Variants in RPTOR observed in about 807,000 individuals in gnomAD.
The protein encoded by RPTOR is regulatory associated protein of MTOR complex 1.
RPTOR carries 21 observed loss-of-function variants against 169.9 expected under a neutral mutation model. The ratio of observed to expected loss-of-function variants is 0.12; its 90% CI spans 0.09 to 0.18. The LOEUF is 0.18. RPTOR is among the 10% of genes least tolerant of loss of function. RPTOR has a pLI of 1.00. For synonymous variants in RPTOR, 732 were observed against 753.2 expected, an observed-to-expected ratio of 0.97 and a Z score of 0.46; for missense variants, 1,133 against 1,855.9, an observed-to-expected ratio of 0.61 and a Z score of 7.16.
intron 4 of RPTOR, among the ~76,000 whole-genome samples, chr17:80,709,350 C>T (rs62067893): frequency 0.023 from 3,455 of 152,362 alleles, 56 homozygotes; most frequent in South Asian, 0.049. Context: ...TCCCCTGTGG[C>T]GCCTGGCACA....
In RPTOR at chr17:80,730,239, TG is replaced by T. The variant is rs1162584785; in HGVS notation, c.508-318del. Among the ~76,000 whole-genome samples the T allele has an allele frequency of 6.6e-6, 1 of 152,176 alleles. No individual in the cohort carries two copies. The highest frequency in any genetic ancestry group is 1.5e-5 in the Non-Finnish European group (1 of 68,032). On this transcript the variant is annotated intron_variant, in intron 4 of 33. Transcript: ENST00000306801. This position sits in a 1 kb window ranked among gnomAD's most constrained non-coding sequence, Gnocchi z 4.2. ...CTCCTGCCTCAGCCTCCCAAGTAGC[TG>T]GGTTTACAGGTGCCCTTCACCATGT... is the stretch of plus-strand genomic sequence containing the variant.
intron 6 of RPTOR, among the ~76,000 whole-genome samples, chr17:80,764,997 G>A (rs1195261030): frequency 5.3e-5 from 8 of 152,174 alleles, no homozygotes; most frequent in Admixed American, 4.6e-4. Context: ...CAAAGCAGGC[G>A]AGGATTTAAT....
At chr17:80,560,260 C>T (rs1030103244) in intron 1 of RPTOR, among the ~76,000 whole-genome samples, 4 of 152,074 alleles carry the variant, frequency 2.6e-5, no homozygotes, top group Non-Finnish European at 2.9e-5. Flanking sequence ...GGTGGCTGGA[C>T]GAAGATCTGT....
intron 6 of RPTOR, among the ~76,000 whole-genome samples, chr17:80,756,041 G>A (rs1005127210): frequency 1.8e-4 from 28 of 152,264 alleles, no homozygotes; most frequent in Non-Finnish European, 3.8e-4. Flanking sequence ...AACAAGATGT[G>A]AGAACAATGC....
chr17:80,749,344 C>T (rs1363749214), intron 5 of RPTOR, among the ~76,000 whole-genome samples: 4 of 38,108 alleles, frequency 1.0e-4, no homozygotes, highest in African/African-American at 9.0e-5. Flanking sequence ...GTTTGGAGGC[C>T]GTGGCGGGAG....
At chr17:80,694,259 C>G (rs1174934415) in intron 3 of RPTOR, among the ~76,000 whole-genome samples, 4 of 152,238 alleles carry the variant, frequency 2.6e-5, no homozygotes, top group Admixed American at 2.0e-4. Flanking sequence ...GTGACCTCTC[C>G]AGGTGACCTC....
chr17:80,684,589 C>A (rs534103705), intron 3 of RPTOR, among the ~76,000 whole-genome samples: 3 of 151,938 alleles, frequency 2.0e-5, no homozygotes, highest in African/African-American at 7.3e-5. Flanking sequence ...GGACTACAGA[C>A]GCCCACCACC....
At chr17:80,574,899 G>A (rs1281354521) in intron 1 of RPTOR, among the ~76,000 whole-genome samples, 6 of 141,944 alleles carry the variant, frequency 4.2e-5, no homozygotes, top group South Asian at 2.2e-4. Flanking sequence ...CCTTGGCCTC[G>A]AGTGATCCTC....
intron 2 of RPTOR, 128 bp downstream of exon 2, chr17:80,625,921 T>A (rs1017977937): frequency 1.5e-6 from 1 of 656,012 alleles, no homozygotes; most frequent in African/African-American, 1.8e-5. Flanking sequence ...GGGGTTTTTC[T>A]TTCTGGAGTC....
chr17:80,644,549 G>A (rs567032220), intron 3 of RPTOR, among the ~76,000 whole-genome samples: 42 of 152,232 alleles, frequency 2.8e-4, no homozygotes, highest in African/African-American at 8.7e-4. Context: ...AGATGGACTC[G>A]AGTTACCTAA....
intron 24 of RPTOR, among the ~76,000 whole-genome samples, chr17:80,930,363 T>C (rs1294506114): frequency 1.1e-3 from 30 of 28,474 alleles, no homozygotes; most frequent in Admixed American, 1.3e-3. Context: ...CCCCAGCTCA[T>C]CCTCAGCTCA....
chr17:80,744,142 C>CTGTCCTGGT (rs2066531469), intron 5 of RPTOR, among the ~76,000 whole-genome samples: 1 of 90,808 alleles, frequency 1.1e-5, no homozygotes, highest in Admixed American at 9.8e-5. Context: ...GCTACTAGCA[C>CTGTCCTGGT]TATCCTGGTT....
chr17:80,840,922 A>G (rs1169218553), intron 10 of RPTOR, among the ~76,000 whole-genome samples: 30 of 80,426 alleles, frequency 3.7e-4, no homozygotes, highest in South Asian at 1.1e-3. Context: ...CACTCTCACC[A>G]CACGGCAGCT....
In RPTOR at chr17:80,957,000, C is replaced by T. The variant is rs1466204988; in HGVS notation, c.3371-624C>T. On this transcript the variant is annotated intron_variant, in intron 28 of 33. Coordinates refer to ENST00000306801, the MANE Select transcript of RPTOR (RefSeq NM_020761.3). ...CCTCTAGCGATGCCTGGGGCATAGT[C>T]GAGTCAGGGGAAGACTCAGAGTTCC... Among the ~76,000 whole-genome samples, 6 of 152,252 alleles carry T rather than the reference C, an allele frequency of 3.9e-5. No individual in the cohort carries two copies. The South Asian group carries it at 8.3e-4, about 21-fold the overall frequency.
At chr17:80,853,416 G>A (rs914358902) in intron 11 of RPTOR, among the ~76,000 whole-genome samples, 3 of 152,180 alleles carry the variant, frequency 2.0e-5, no homozygotes, top group African/African-American at 7.2e-5. Flanking sequence ...GGCCAGGTCA[G>A]GGGCTCCCAG....
intron 12 of RPTOR, 58 bp downstream of exon 12, chr17:80,855,605 C>G (rs1198984228): frequency 1.9e-5 from 24 of 1,282,812 alleles, no homozygotes; most frequent in Non-Finnish European, 2.7e-5. Context: ...GATTAGGCTC[C>G]GTGTTTCAGT....
chr17:80,945,852 A>G, intron 26 of RPTOR, 71 bp downstream of exon 26: 1 of 846,826 alleles, frequency 1.2e-6, no homozygotes, highest in Admixed American at 3.1e-5. Context: ...TTCTCCCCCG[A>G]TCACCACTCC....
In RPTOR at chr17:80,822,084, C is replaced by G; in HGVS notation, c.891-117C>G. On this transcript the variant is annotated intron_variant, in intron 7 of 33. Transcript: ENST00000306801. Reference sequence around the variant, plus strand: ...CCGTGCGCCAAGCTTCTGCTCAGAGCCTTCCTCCCTCGCTCAGAGCCTTTC... The same window carrying G: ...CCGTGCGCCAAGCTTCTGCTCAGAGGCTTCCTCCCTCGCTCAGAGCCTTTC... The G allele has an allele frequency of 3.4e-6, 3 of 877,192 alleles. No homozygotes were observed. In the South Asian group the frequency reaches 4.2e-5, roughly 12 times the overall value. 54.3% of individuals were successfully genotyped at this position (877,192 alleles called of 1,614,324 possible).
intron 21 of RPTOR, among the ~76,000 whole-genome samples, chr17:80,915,217 G>C (rs1035071526): frequency 6.7e-6 from 1 of 148,858 alleles, no homozygotes; most frequent in Non-Finnish European, 1.5e-5. Context: ...CACACTCCAG[G>C]GTCTCCTCTG....
Sources: allele counts gnomAD v4.1 joint callset (sites outside exome capture counted in the v4.1 genomes callset), GRCh38; gene constraint gnomAD v4.1.1; non-coding constraint Gnocchi (gnomAD v3.1); transcripts MANE v1.5; gene names NCBI Gene and HGNC (gene_info 2026-07-23, HGNC 2026-07-21).